The following ZNF318 variants were observed in gnomAD, a reference collection of about 807,000 sequenced individuals.
ZNF318 encodes zinc finger protein 318.
In ZNF318, 51 loss-of-function variants were observed where a neutral mutation model predicts 124.2. The observed-to-expected ratio is 0.41, with a 90% confidence interval of 0.33 to 0.52. The LOEUF (loss-of-function observed/expected upper bound fraction) is 0.52. Ranked by LOEUF, ZNF318 falls within the 20% of genes least tolerant of loss-of-function variation. ZNF318 has a pLI of 0.23. For missense variants in ZNF318, 2,815 were observed against 2,811.2 expected (o/e 1.00, Z -0.03); for synonymous variants, 1,090 against 1,040.7 (o/e 1.05, Z -0.91).
In ZNF318 at chr6:43,337,864, TCA is replaced by T; in HGVS notation, c.6132_6133del (p.Cys2044Ter). 6.2e-7 allele frequency: 1 copy of T among 1,614,198 alleles called. No individual in the cohort carries two copies. Among genetic ancestry groups the T allele is most frequent in the Non-Finnish European group, 8.5e-7 (1 of 1,180,032 alleles). Reference sequence around the variant, plus strand: ...CCCTATAGGTGATACAGAATTTTCTTCACACACTTTCTGACACAAGACAGTTG... The same window carrying T: ...CCCTATAGGTGATACAGAATTTTCTTCACACTTTCTGACACAAGACAGTTG... On this transcript the variant is annotated stop_gained and frameshift_variant, in exon 10 of 10. Coordinates refer to ENST00000361428, the MANE Select transcript of ZNF318 (RefSeq NM_014345.3). LOFTEE classifies it high-confidence loss of function.
At position 43,355,234 on chromosome 6, in the gene ZNF318, C is replaced by T. The variant is rs1200207594; in HGVS notation, c.2100G>A (p.Val700=). The part of the protein sequence containing the change: ...EVSHPHPPSP[V]DPYLLTKNSP... ...TGTTTTTTGTGAGCAGGTAAGGATC[C>T]ACAGGAGAAGGTGGGTGTGGATGGG... Residue 700 remains valine, a synonymous_variant, in exon 4 of 10, where the codon GTG becomes GTA. Coordinates refer to ENST00000361428, the MANE Select transcript of ZNF318 (RefSeq NM_014345.3). The T allele has an allele frequency of 2.5e-6, 4 of 1,614,156 alleles. No homozygotes were observed. The highest frequency in any genetic ancestry group is 2.2e-5 in the East Asian group (1 of 44,884).
At position 43,336,366 on chromosome 6, in the gene ZNF318, G is replaced by A. The variant is rs1021085058; in HGVS notation, c.*792C>T. 2 of 152,646 alleles carry A rather than the reference G, an allele frequency of 1.3e-5. No individual in the cohort carries two copies. Among genetic ancestry groups the A allele is most frequent in the East Asian group, 3.9e-4 (2 of 5,186 alleles). 9.5% of individuals were successfully genotyped at this position (152,646 alleles called of 1,614,324 possible). On this transcript the variant is annotated 3_prime_UTR_variant, in exon 10 of 10. Transcript: ENST00000361428. Reference sequence around the variant, plus strand: ...ATTGGATCACAATACAATGAACAAAGGCCATTTCAAAAATAAAAGTGATCT... The same window carrying A: ...ATTGGATCACAATACAATGAACAAAAGCCATTTCAAAAATAAAAGTGATCT...
In ZNF318 at chr6:43,358,672, A is replaced by G. The variant is rs561149479; in HGVS notation, c.549-907T>C. On this transcript the variant is annotated intron_variant, in intron 2 of 9. Transcript: ENST00000361428. ...TGGTTCAAGTGATTCTTGTGCCTCAACCTCCTTAAGTAGCTGGGATTACAG... is the reference window on the plus strand; with the variant it reads ...TGGTTCAAGTGATTCTTGTGCCTCAGCCTCCTTAAGTAGCTGGGATTACAG... Among the ~76,000 whole-genome samples the G allele has an allele frequency of 4.6e-5, 7 of 151,810 alleles. No individual in the cohort carries two copies. The South Asian group carries it at 1.5e-3, about 32-fold the overall frequency.
chr6:43,337,214 G>C lies in ZNF318; in HGVS notation c.6784C>G (p.Gln2262Glu), dbSNP rs1360296036. The change falls in exon 10 of 10, where the codon CAG becomes GAG. Residue 2262 changes from glutamine to glutamate, a missense_variant. By Grantham distance (29) the Gln-to-Glu change is conservative. Transcript: ENST00000361428. ...TGGATGGCACCAACTGTAGTTTCCT[G>C]TTCAGGCATTCCCTGAGGGACCATA... ...DNMVPQGMPE[Q>E]ETTVGAIQDH... 6.2e-7 allele frequency: 1 copy of C among 1,613,766 alleles called. No individual in the cohort carries two copies. Among genetic ancestry groups the C allele is most frequent in the Admixed American group, 1.7e-5 (1 of 59,986 alleles).
At position 43,359,902 on chromosome 6, in the gene ZNF318, G is replaced by A. The variant is rs116454780; in HGVS notation, c.549-2137C>T. Among the ~76,000 whole-genome samples, 623 of 152,256 alleles carry A rather than the reference G, an allele frequency of 4.1e-3. 8 individuals are homozygous for A. Among genetic ancestry groups the A allele is most frequent in the African/African-American group, 0.014 (594 of 41,546 alleles). On this transcript the variant is annotated intron_variant, in intron 2 of 9. Coordinates refer to ENST00000361428, the MANE Select transcript of ZNF318 (RefSeq NM_014345.3). Reference sequence around the variant, plus strand: ...TAGGAATAAATGGGAATAAACCAAGGATGATTTCTGAAATCAAACTGAGGT... The same window carrying A: ...TAGGAATAAATGGGAATAAACCAAGAATGATTTCTGAAATCAAACTGAGGT...
In ZNF318 at chr6:43,340,473, C is replaced by A. The variant is rs749065257; in HGVS notation, c.3525G>T (p.Glu1175Asp). Residue 1175 changes from glutamate to aspartate, a missense_variant, in exon 10 of 10, where the codon GAG becomes GAT. This residue lies in a region of ZNF318 where 500 missense variants were observed against 605.2 expected (regional missense o/e 0.83). Coordinates refer to ENST00000361428, the MANE Select transcript of ZNF318 (RefSeq NM_014345.3). ...KKYVDENPLY[E>D]ERRNLDRQAG... ...CTTGGCGGTCCAGATTCCGCCGCTC[C>A]TCATATAATGGGTTTTCATCCACAT... 1 of 1,609,120 alleles carries A rather than the reference C, an allele frequency of 6.2e-7. No individual in the cohort carries two copies. Among genetic ancestry groups the A allele is most frequent in the South Asian group, 1.1e-5 (1 of 89,812 alleles).
At position 43,355,310 on chromosome 6, in the gene ZNF318, C is replaced by A. The variant is rs1007813437; in HGVS notation, c.2024G>T (p.Arg675Ile). The change falls in exon 4 of 10, where the codon AGA becomes ATA. Residue 675 changes from arginine to isoleucine, a missense_variant. Transcript: ENST00000361428. ...ATGATGTGCCTCCCTGCTCTCTAGT[C>A]TGTGGGGATCTGAGGAACGTCGATC... is the stretch of plus-strand genomic sequence containing the variant. ...SADRRSSDPH[R>I]LESREAHHSN... is the part of the protein sequence containing the mutation. The A allele has an allele frequency of 1.2e-6, 2 of 1,614,050 alleles. No individual in the cohort carries two copies. The highest frequency in any genetic ancestry group is 2.7e-5 in the African/African-American group (2 of 74,904).
rs1297089974 is a variant in ZNF318 at position 43,369,007 on chromosome 6, C to G, written c.359G>C (p.Arg120Pro). The change falls in exon 1 of 10, where the codon CGG (arginine) becomes CCG (proline). Residue 120 changes from arginine (R) to proline (P), a missense_variant. Physicochemically the swap from Arg to Pro is moderately radical, Grantham distance 103. Around this residue, in one of 4 missense-constraint regions of ZNF318, gnomAD observed 1,377 missense variants for 1,353.5 expected, o/e 1.02. Coordinates refer to ENST00000361428, the MANE Select transcript of ZNF318 (RefSeq NM_014345.3). The stretch of plus-strand genomic sequence containing the variant: ...GCCTGGATGGTCTCCGCGGCCGTCC[C>G]GGGCATAGTCGGCGCGGGACTCCCC... ...SRGESRADYARDGRGDHPGDS... is the reference protein window; with the variant it reads ...SRGESRADYAPDGRGDHPGDS... 1 of 1,433,648 alleles carries G rather than the reference C, an allele frequency of 7.0e-7. No homozygotes were observed. Among genetic ancestry groups the G allele is most frequent in the Admixed American group, 2.5e-5 (1 of 39,836 alleles). 88.8% of individuals were successfully genotyped at this position (1,433,648 alleles called of 1,614,324 possible).
chr6:43,338,133 C>A lies in ZNF318; in HGVS notation c.5865G>T (p.Glu1955Asp). Residue 1955 changes from glutamate (E) to aspartate (D), a missense_variant, in exon 10 of 10, where the codon GAG becomes GAT. Physicochemically the swap from Glu to Asp is conservative, Grantham distance 45. This residue lies in a region of ZNF318 where 927 missense variants were observed against 820.6 expected (regional missense o/e 1.13). Coordinates refer to ENST00000361428, the MANE Select transcript of ZNF318 (RefSeq NM_014345.3). ...TCTTGTTTTCATCCCAAACAGCCAA[C>A]TCATAGATCTTTTTAACTTGAAAGT... is the stretch of plus-strand genomic sequence containing the variant. ...SKDFQVKKIY[E>D]LAVWDENKKR... 1.9e-6 allele frequency: 3 copies of A among 1,613,792 alleles called. No homozygotes were observed. Among genetic ancestry groups the A allele is most frequent in the Non-Finnish European group, 2.5e-6 (3 of 1,179,950 alleles).
Position 43,340,413 on chromosome 6 carries a change from T to C in ZNF318, c.3585A>G (p.Arg1195=). 6.2e-7 allele frequency: 1 copy of C among 1,614,128 alleles called. No homozygotes were observed. The highest frequency in any genetic ancestry group is 1.3e-5 in the African/African-American group (1 of 75,026). Residue 1195 remains arginine (R), a synonymous_variant, in exon 10 of 10, where the codon CGA becomes CGG. Transcript: ENST00000361428. ...GTTTGCGCTTTAGCTCACTCTGCCG[T>C]CGCCGTTCTGTCTCTAGGACCACAG... is the stretch of plus-strand genomic sequence containing the variant. ...GLAVVLETER[R]RQSELKRKLS... is the part of the protein sequence containing the mutation.
chr6:43,349,895 G>A (rs1203091484), intron 5 of ZNF318, among the ~76,000 whole-genome samples: 2 of 151,996 alleles, frequency 1.3e-5, no homozygotes, highest in East Asian at 1.9e-4. Context: ...GCTACAGTGA[G>A]CTATGACAGC....
chr6:43,342,611 T>C (rs953749835), intron 7 of ZNF318, 65 bp downstream of exon 7: 7 of 1,515,964 alleles, frequency 4.6e-6, no homozygotes, highest in Middle Eastern at 2.0e-4. Context: ...GCAATGCAGA[T>C]AGGGGTATAG....
At chr6:43,363,061 C>T (rs1242078918) in intron 2 of ZNF318, among the ~76,000 whole-genome samples, 2 of 152,158 alleles carry the variant, frequency 1.3e-5, no homozygotes, top group Non-Finnish European at 2.9e-5. Flanking sequence ...CTCTGAAACA[C>T]ATGATTCTAC....
At chr6:43,363,549 G>T in intron 2 of ZNF318, 1 of 277,938 alleles carries the variant, frequency 3.6e-6, no homozygotes, top group South Asian at 5.3e-5. Context: ...GCTGTGGACA[G>T]GGCTGAGGCC....
In ZNF318 at chr6:43,342,748, G is replaced by C; in HGVS notation, c.3204C>G (p.Cys1068Trp). The C allele has an allele frequency of 6.2e-7, 1 of 1,614,212 alleles. No homozygotes were observed. Among genetic ancestry groups the C allele is most frequent in the Non-Finnish European group, 8.5e-7 (1 of 1,180,036 alleles). The change falls in exon 7 of 10, where the codon TGC becomes TGG. Residue 1068 changes from cysteine to tryptophan, a missense_variant. Cys to Trp is a radical substitution (Grantham distance 215, BLOSUM62 -2). Transcript: ENST00000361428. ...TCCCACAGATGGTGTTGCAGTCTTT[G>C]CACCAGTGATTGCCAGCATCATAAT... is the stretch of plus-strand genomic sequence containing the variant. ...YEYYDAGNHW[C>W]KDCNTICGTM...
At chr6:43,347,128 A>T (rs970813854) in intron 6 of ZNF318, among the ~76,000 whole-genome samples, 1 of 152,222 alleles carries the variant, frequency 6.6e-6, no homozygotes, top group African/African-American at 2.4e-5. Flanking sequence ...TGGAGTTAGA[A>T]GAGTAGATAA....
At chr6:43,368,887 C>G in intron 1 of ZNF318, 80 bp downstream of exon 1, 1 of 1,271,022 alleles carries the variant, frequency 7.9e-7, no homozygotes, top group African/African-American at 1.5e-5. Flanking sequence ...GGTCTGGAGG[C>G]CCCGGGCGTT....
At chr6:43,346,911 A>C (rs1477362143) in intron 6 of ZNF318, among the ~76,000 whole-genome samples, 1 of 152,244 alleles carries the variant, frequency 6.6e-6, no homozygotes, top group Non-Finnish European at 1.5e-5. Context: ...ATCATATTGA[A>C]CAATGACACA....
Position 43,338,498 on chromosome 6 carries a change from C to CT in ZNF318, c.5499dup (p.Glu1834ArgfsTer3). 6.2e-7 allele frequency: 1 copy of CT among 1,614,206 alleles called. No individual in the cohort carries two copies. The highest frequency in any genetic ancestry group is 8.5e-7 in the Non-Finnish European group (1 of 1,180,042). On this transcript the variant is annotated frameshift_variant, in exon 10 of 10. Transcript: ENST00000361428. LOFTEE classifies it low-confidence loss of function (END_TRUNC). ...ATCAATTTATTGGACTGTTCAGCCTCTTTGTCAATCATTAGCAAGTTGGGC... is the reference window on the plus strand; with the variant it reads ...ATCAATTTATTGGACTGTTCAGCCTCTTTTGTCAATCATTAGCAAGTTGGGC...
Sources: gnomAD v4.1 joint callset for allele counts (sites outside exome capture counted in the v4.1 genomes callset) on GRCh38, gnomAD v4.1.1 for gene constraint, gnomAD v4.1.1 regional missense constraint, MANE v1.5 for transcripts, NCBI Gene and HGNC (gene_info 2026-07-23, HGNC 2026-07-21) for gene names.